The following BRIP1 variants were observed in gnomAD, a reference collection of about 807,000 sequenced individuals.
BRIP1 encodes Fanconi anemia group J protein.
In BRIP1, 88 loss-of-function variants were observed where a neutral mutation model predicts 119.7. The ratio of observed to expected loss-of-function variants is 0.74; its 90% confidence interval spans 0.62 to 0.88. The LOEUF is 0.88. BRIP1 is among the 40% of genes least tolerant of loss of function. The pLI, the probability that BRIP1 is intolerant of heterozygous loss-of-function variation, is 0.00. For synonymous variants in BRIP1, 443 were observed against 496.5 expected, an observed-to-expected ratio of 0.89 and a Z score of 1.43; for missense variants, 1,259 against 1,455.4, an observed-to-expected ratio of 0.87 and a Z score of 2.20.
rs986079147 is a variant in BRIP1, at chr17:61,740,313, T to C, written c.2379+2700A>G. Among the ~76,000 whole-genome samples, 1 of 152,104 alleles carries C rather than the reference T, an allele frequency of 6.6e-6. No homozygotes were observed. The highest frequency in any genetic ancestry group is 1.5e-5 in the Non-Finnish European group (1 of 68,008). Reference sequence around the variant, plus strand: ...CATGAGTCTGTGGTTAAAAGACTGATAAAACACAAATTGCTGGGCTTCACT... The same window carrying C: ...CATGAGTCTGTGGTTAAAAGACTGACAAAACACAAATTGCTGGGCTTCACT... On this transcript the variant is annotated intron_variant, in intron 16 of 19. Transcript: ENST00000259008. This position sits in a 1 kb window ranked among gnomAD's most constrained non-coding sequence, Gnocchi z 5.4.
At chr17:61,716,830 G>GAA (rs2061882819) in intron 16 of BRIP1, among the ~76,000 whole-genome samples, 1 of 151,156 alleles carries the variant, frequency 6.6e-6, no homozygotes. Flanking sequence ...TTCCACTACT[G>GAA]GATTATTAGC....
chr17:61,795,131 G>A lies in BRIP1; in HGVS notation c.1341-1402C>T, dbSNP rs2077880293. Among the ~76,000 whole-genome samples, 2 of 151,998 alleles carry A rather than the reference G, an allele frequency of 1.3e-5. No individual in the cohort carries two copies. Among genetic ancestry groups the A allele is most frequent in the African/African-American group, 2.4e-5 (1 of 41,400 alleles). Reference sequence around the variant, plus strand: ...TAATTTTCGTGGGTACATAGTAGGTGTATATATTTATGGGGTACATGTTTT... The same window carrying A: ...TAATTTTCGTGGGTACATAGTAGGTATATATATTTATGGGGTACATGTTTT... On this transcript the variant is annotated intron_variant, in intron 9 of 19. Coordinates refer to ENST00000259008, the MANE Select transcript of BRIP1 (RefSeq NM_032043.3). The surrounding 1 kb of genome is among the most constrained non-coding windows in gnomAD (Gnocchi z 5.6).
intron 16 of BRIP1, among the ~76,000 whole-genome samples, chr17:61,733,101 G>A (rs1319914167): frequency 6.6e-6 from 1 of 152,178 alleles, no homozygotes; most frequent in East Asian, 1.9e-4. Context: ...AGTTCCTCTT[G>A]ATATACTACA....
chr17:61,734,613 A>G lies in BRIP1; in HGVS notation c.2379+8400T>C, dbSNP rs1439648943. 6.6e-6 allele frequency among the ~76,000 whole-genome samples: 1 copy of G among 152,160 alleles called. No individual in the cohort carries two copies. Among genetic ancestry groups the G allele is most frequent in the African/African-American group, 2.4e-5 (1 of 41,448 alleles). ...TAAACAAGTCACACTTGGCTCCAAA[A>G]TGAAATTTTCCTACCTCTACTTTCT... On this transcript the variant is annotated intron_variant, in intron 16 of 19. Transcript: ENST00000259008. The surrounding 1 kb of genome is among the most constrained non-coding windows in gnomAD (Gnocchi z 5.2).
Position 61,831,611 on chromosome 17 carries a change from C to G in BRIP1, c.627+15490G>C, listed in dbSNP as rs1212674044. ...AATAATATTCCATTGTATGTATACA[C>G]CACATTTTGTTTATTCGTTTATTTA... On this transcript the variant is annotated intron_variant, in intron 6 of 19. Transcript: ENST00000259008. The surrounding 1 kb of genome is among the most constrained non-coding windows in gnomAD (Gnocchi z 4.1). Among the ~76,000 whole-genome samples the G allele has an allele frequency of 6.6e-6, 1 of 152,188 alleles. No homozygotes were observed. The highest frequency in any genetic ancestry group is 1.5e-5 in the Non-Finnish European group (1 of 68,034).
Position 61,808,011 on chromosome 17 carries a change from G to A in BRIP1, c.918+456C>T, listed in dbSNP as rs2078099499. Among the ~76,000 whole-genome samples, 1 of 152,002 alleles carries A rather than the reference G, an allele frequency of 6.6e-6. No homozygotes were observed. The highest frequency in any genetic ancestry group is 1.5e-5 in the Non-Finnish European group (1 of 67,964). ...TGTATTTATCAGAATTATGAGGTGG[G>A]ATAATCATTATATTTCTCATTCAAT... On this transcript the variant is annotated intron_variant, in intron 7 of 19. Transcript: ENST00000259008. The surrounding 1 kb of genome is among the most constrained non-coding windows in gnomAD (Gnocchi z 4.1).
rs1217852974 is a variant in BRIP1 at position 61,686,102 on chromosome 17, G to A, written c.2639C>T (p.Ser880Phe). 1 of 1,614,020 alleles carries A rather than the reference G, an allele frequency of 6.2e-7. No individual in the cohort carries two copies. The highest frequency in any genetic ancestry group is 1.1e-5 in the South Asian group (1 of 91,074). The change falls in exon 19 of 20, where the codon TCC (serine) becomes TTC (phenylalanine). Residue 880 changes from serine (S) to phenylalanine (F), a missense_variant. Physicochemically the swap from Ser to Phe is radical, Grantham distance 155. Transcript: ENST00000259008. This position sits in a 1 kb window ranked among gnomAD's most constrained non-coding sequence, Gnocchi z 5.4. ...HHSTFESALE[S>F]LAEFSKKHQK... ...ATGCTTTTTGGAAAATTCAGCCAAG[G>A]ATTCCAGTGCACTTTCAAAGGTTGA...
At chr17:61,826,757 A>AAAAAAAAC (rs2078415455) in intron 6 of BRIP1, among the ~76,000 whole-genome samples, 2 of 128,452 alleles carry the variant, frequency 1.6e-5, no homozygotes, top group Admixed American at 7.5e-5. Flanking sequence ...AAAAAAAAAA[A>AAAAAAAAC]CAGATGCCGG....
At chr17:61,840,942 A>G (rs1364601318) in intron 6 of BRIP1, among the ~76,000 whole-genome samples, 1 of 152,220 alleles carries the variant, frequency 6.6e-6, no homozygotes, top group Non-Finnish European at 1.5e-5. Context: ...CTGATTTTCA[A>G]CAAAGATGCC....
At position 61,742,319 on chromosome 17, in the gene BRIP1, A is replaced by G. The variant is rs746510902; in HGVS notation, c.2379+694T>C. ...TAAACCTTTCTCTATATCAGTAATAAGACTGTTTGCTTATTATTTGTACAT... is the reference window on the plus strand; with the variant it reads ...TAAACCTTTCTCTATATCAGTAATAGGACTGTTTGCTTATTATTTGTACAT... On this transcript the variant is annotated intron_variant, in intron 16 of 19. Coordinates refer to ENST00000259008, the MANE Select transcript of BRIP1 (RefSeq NM_032043.3). The surrounding 1 kb of genome is among the most constrained non-coding windows in gnomAD (Gnocchi z 4.7). Among the ~76,000 whole-genome samples the G allele has an allele frequency of 5.3e-5, 8 of 152,180 alleles. No homozygotes were observed. The highest frequency in any genetic ancestry group is 1.0e-4 in the Non-Finnish European group (7 of 68,036).
intron 17 of BRIP1, among the ~76,000 whole-genome samples, chr17:61,707,368 G>A (rs1470376317): frequency 6.6e-6 from 1 of 152,118 alleles, no homozygotes; most frequent in Non-Finnish European, 1.5e-5. Context: ...GCACAGTGAA[G>A]TGCTTTGTAG....
chr17:61,688,669 A>G (rs1463269737), intron 18 of BRIP1, among the ~76,000 whole-genome samples: 1 of 151,938 alleles, frequency 6.6e-6, no homozygotes, highest in Non-Finnish European at 1.5e-5. Flanking sequence ...ATGTGTGGAT[A>G]CCATACAAGG....
chr17:61,709,604 C>A lies in BRIP1; in HGVS notation c.2492+6347G>T, dbSNP rs961603970. Among the ~76,000 whole-genome samples the A allele has an allele frequency of 7.9e-5, 12 of 152,070 alleles. No homozygotes were observed. The highest frequency in any genetic ancestry group is 8.8e-5 in the Non-Finnish European group (6 of 68,010). On this transcript the variant is annotated intron_variant, in intron 17 of 19. Transcript: ENST00000259008. The surrounding 1 kb of genome is among the most constrained non-coding windows in gnomAD (Gnocchi z 5.0). ...CAGTTTGATTTATGTTTAAAGCATT[C>A]TATGGTATGGTAGAAAGGTATTTCT... is the stretch of plus-strand genomic sequence containing the variant.
chr17:61,766,782 C>T (rs960530419), intron 14 of BRIP1, among the ~76,000 whole-genome samples: 2 of 151,646 alleles, frequency 1.3e-5, no homozygotes, highest in Non-Finnish European at 2.9e-5. Context: ...TTTTTTAAGT[C>T]GAAGTCTGTA....
At chr17:61,847,948 G>A (rs898423863) in intron 5 of BRIP1, among the ~76,000 whole-genome samples, 3 of 151,996 alleles carry the variant, frequency 2.0e-5, no homozygotes, top group East Asian at 1.9e-4. Flanking sequence ...ACATTTTGTC[G>A]GGGGGAAATC....
In BRIP1 at chr17:61,786,826, A is replaced by G. The variant is rs555063133; in HGVS notation, c.1474-2402T>C. On this transcript the variant is annotated intron_variant, in intron 10 of 19. Coordinates refer to ENST00000259008, the MANE Select transcript of BRIP1 (RefSeq NM_032043.3). ...ATATTTATATATTTTATATAAATAT[A>G]TTTTATATAATATATTTATATAAAA... Among the ~76,000 whole-genome samples the G allele has an allele frequency of 1.4e-4, 18 of 127,440 alleles. No homozygotes were observed. The South Asian group carries it at 4.0e-3, about 29-fold the overall frequency. 83.6% of individuals were successfully genotyped at this position (127,440 alleles called of 152,430 possible).
rs1411975988 is a variant in BRIP1, at chr17:61,742,731, C to T, written c.2379+282G>A. Among the ~76,000 whole-genome samples, 1 of 152,088 alleles carries T rather than the reference C, an allele frequency of 6.6e-6. No individual in the cohort carries two copies. The highest frequency in any genetic ancestry group is 1.5e-5 in the Non-Finnish European group (1 of 68,026). On this transcript the variant is annotated intron_variant, in intron 16 of 19. Transcript: ENST00000259008. The surrounding 1 kb of genome is among the most constrained non-coding windows in gnomAD (Gnocchi z 4.7). ...TGCCCCAAAACAATTACAATAGTAA[C>T]ATCAAAGATCACTTATCACAGATTA...
chr17:61,721,928 C>T (rs1468649364), intron 16 of BRIP1, among the ~76,000 whole-genome samples: 1 of 150,842 alleles, frequency 6.6e-6, no homozygotes, highest in Non-Finnish European at 1.5e-5. Context: ...AGGGTTTCAC[C>T]ATGTTGGCTA....
rs933340764 is a variant in BRIP1 at position 61,853,606 on chromosome 17, CATT to C, written c.379+3449_379+3451del. On this transcript the variant is annotated intron_variant, in intron 4 of 19. Transcript: ENST00000259008. The surrounding 1 kb of genome is among the most constrained non-coding windows in gnomAD (Gnocchi z 4.3). ...TCAAGTTGTGTACATATGGATAACT[CATT>C]GTTGATAAAGACACAAAGGCAATGT... is the stretch of plus-strand genomic sequence containing the variant. Among the ~76,000 whole-genome samples, 4 of 152,104 alleles carry C rather than the reference CATT, an allele frequency of 2.6e-5. No homozygotes were observed. The highest frequency in any genetic ancestry group is 5.9e-5 in the Non-Finnish European group (4 of 68,022).
Sources: allele counts gnomAD v4.1 joint callset (sites outside exome capture counted in the v4.1 genomes callset), GRCh38; gene constraint gnomAD v4.1.1; non-coding constraint Gnocchi (gnomAD v3.1); transcripts MANE v1.5; gene names NCBI Gene and HGNC (gene_info 2026-07-23, HGNC 2026-07-21).